Variants in SH3YL1 observed in about 807,000 individuals in gnomAD.
SH3YL1 encodes SH3 domain-containing YSC84-like protein 1.
A neutral mutation model predicts 45.8 loss-of-function variants in SH3YL1; 41 were observed. That is an observed-to-expected ratio of 0.89 (90% CI 0.70 to 1.16). The LOEUF is 1.16. Among genes scored for constraint, SH3YL1 ranks in the 50% most tolerant of loss-of-function variants. The pLI is 0.00. For missense variants in SH3YL1, 389 were observed against 409.6 expected, an observed-to-expected ratio of 0.95 and a Z score of 0.43; for synonymous variants, 152 against 151.4, an observed-to-expected ratio of 1.00 and a Z score of -0.03.
At chr2:230,994 A>G in intron 7 of SH3YL1, 29 bp downstream of exon 7, 1 of 1,608,892 alleles carries the variant, frequency 6.2e-7, no homozygotes. Context: ...TTCTGAGAAT[A>G]CTGAGTGAAA....
intron 4 of SH3YL1, chr2:244,596 A>C (rs1293032927): frequency 6.6e-6 from 1 of 152,082 alleles, no homozygotes; most frequent in African/African-American, 2.4e-5. Flanking sequence ...CAGATAGTTA[A>C]ATTATTCAAC....
At chr2:233,339 T>C in intron 5 of SH3YL1, 110 bp from the exon 6 acceptor site, 5 of 1,166,390 alleles carry the variant, frequency 4.3e-6, no homozygotes, top group Non-Finnish European at 5.6e-6. Context: ...TTCTGTACCT[T>C]CTTCAGCTGT....
At chr2:252,219 A>AT (rs749240490) in intron 2 of SH3YL1, among the ~76,000 whole-genome samples, 1 of 152,228 alleles carries the variant, frequency 6.6e-6, no homozygotes, top group Non-Finnish European at 1.5e-5. Flanking sequence ...GGGGATACTG[A>AT]TGCACATCTG....
At chr2:219,540 T>C (rs560367216) in intron 9 of SH3YL1, among the ~76,000 whole-genome samples, 39 of 152,272 alleles carry the variant, frequency 2.6e-4, no homozygotes, top group African/African-American at 9.4e-4. Flanking sequence ...TCCTGGAACC[T>C]TGATCTTGGA....
chr2:218,705 G>T lies in SH3YL1; in HGVS notation c.*106C>A. 1.0e-6 allele frequency: 1 copy of T among 981,738 alleles called. No homozygotes were observed. The highest frequency in any genetic ancestry group is 1.4e-6 in the Non-Finnish European group (1 of 690,176). The allele number at this position is 981,738 out of a possible 1,614,324, so 60.8% of individuals were successfully genotyped here. A position where few individuals can be genotyped will look rare whatever the true frequency, so the allele number is the denominator to read the frequency against. Reference sequence around the variant, plus strand: ...TTACATACGGAATGGAAATTTTGTAGAACAGAAGTTTTTTAAAATTTATAT... The same window carrying T: ...TTACATACGGAATGGAAATTTTGTATAACAGAAGTTTTTTAAAATTTATAT... On this transcript the variant is annotated 3_prime_UTR_variant, in exon 10 of 10. Coordinates refer to ENST00000356150, the MANE Select transcript of SH3YL1 (RefSeq NM_015677.4).
At chr2:225,857 C>T (rs1483932682) in intron 8 of SH3YL1, among the ~76,000 whole-genome samples, 1 of 152,124 alleles carries the variant, frequency 6.6e-6, no homozygotes, top group Non-Finnish European at 1.5e-5. Flanking sequence ...ATTACAAAGT[C>T]TTATTGAAAG....
chr2:245,135 G>A (rs1366844808), intron 4 of SH3YL1, among the ~76,000 whole-genome samples: 1 of 152,146 alleles, frequency 6.6e-6, no homozygotes, highest in Non-Finnish European at 1.5e-5. Flanking sequence ...AGCAAACAGT[G>A]CTTTCTGTTA....
Position 256,897 on chromosome 2 carries a change from C to T in SH3YL1, c.2-3782G>A, listed in dbSNP as rs141696844. Among the ~76,000 whole-genome samples the T allele has an allele frequency of 4.2e-3, 636 of 152,158 alleles. 2 individuals carry two copies. The highest frequency in any genetic ancestry group is 0.014 in the African/African-American group (600 of 41,524). On this transcript the variant is annotated intron_variant, in intron 1 of 9. Transcript: ENST00000356150. ...TATCCTCACCAACACTTGCAATGTC[C>T]AGTTTTTAAAATTTTAGTTATTTTA...
At chr2:223,365 C>A (rs1022779441) in intron 9 of SH3YL1, among the ~76,000 whole-genome samples, 7 of 152,182 alleles carry the variant, frequency 4.6e-5, no homozygotes, top group Non-Finnish European at 8.8e-5. Flanking sequence ...GTGGCCTCAG[C>A]TCTTTTTCAG....
intron 2 of SH3YL1, among the ~76,000 whole-genome samples, chr2:251,916 A>G (rs1258370753): frequency 6.6e-6 from 1 of 152,232 alleles, no homozygotes; most frequent in African/African-American, 2.4e-5. Context: ...TCTTTAATGC[A>G]GGACCCAGAG....
intron 1 of SH3YL1, among the ~76,000 whole-genome samples, chr2:254,182 T>C (rs1669206410): frequency 6.6e-6 from 1 of 152,246 alleles, no homozygotes. Flanking sequence ...GTAGACTTTC[T>C]GATGAGTAAA....
intron 2 of SH3YL1, among the ~76,000 whole-genome samples, chr2:250,608 T>A (rs1328618214): frequency 1.3e-5 from 2 of 152,236 alleles, no homozygotes; most frequent in Non-Finnish European, 2.9e-5. Context: ...GCCTAACATA[T>A]AACTTTAAGG....
At chr2:244,199 T>C (rs1170305789) in intron 4 of SH3YL1, among the ~76,000 whole-genome samples, 1 of 134,576 alleles carries the variant, frequency 7.4e-6, no homozygotes, top group African/African-American at 2.6e-5. Flanking sequence ...GTACAAGTTT[T>C]GTAAAAAAAA....
In SH3YL1 at chr2:219,140, T is replaced by C. The variant is rs73911025; in HGVS notation, c.839-139A>G. On this transcript the variant is annotated intron_variant, in intron 9 of 9. Coordinates refer to ENST00000356150, the MANE Select transcript of SH3YL1 (RefSeq NM_015677.4). ...CTGGCAGAAACCACAACAGTCTGTGTAATTTTCATCACATTATTAAACTTA... is the reference window on the plus strand; with the variant it reads ...CTGGCAGAAACCACAACAGTCTGTGCAATTTTCATCACATTATTAAACTTA... The C allele has an allele frequency of 1.9e-3, 1,074 of 571,356 alleles. 10 individuals carry two copies. The highest frequency in any genetic ancestry group is 0.019 in the African/African-American group (986 of 52,996). 35.4% of individuals were successfully genotyped at this position (571,356 alleles called of 1,614,324 possible). A position where few individuals can be genotyped will look rare whatever the true frequency, so the allele number is the denominator to read the frequency against.
Position 247,616 on chromosome 2 carries a change from A to C in SH3YL1, c.227-14T>G, listed in dbSNP as rs1441689549. The C allele has an allele frequency of 3.2e-6, 5 of 1,548,044 alleles. No individual in the cohort carries two copies. The highest frequency in any genetic ancestry group is 4.4e-6 in the Non-Finnish European group (5 of 1,145,476). ...GTGCAGACCATTCTAATAAAAAAAC[A>C]AACGAACGTTATCCTAACATTAAAA... On this transcript the variant is annotated splice_polypyrimidine_tract_variant and intron_variant, in intron 3 of 9. Coordinates refer to ENST00000356150, the MANE Select transcript of SH3YL1 (RefSeq NM_015677.4).
chr2:259,355 TATTA>T (rs1430496895), intron 1 of SH3YL1: 2 of 152,364 alleles, frequency 1.3e-5, no homozygotes, highest in East Asian at 3.9e-4. Flanking sequence ...CTCTGTTTCT[TATTA>T]ATTTATACAT....
At chr2:227,222 G>C (rs1307880197) in intron 8 of SH3YL1, among the ~76,000 whole-genome samples, 1 of 152,064 alleles carries the variant, frequency 6.6e-6, no homozygotes, top group Non-Finnish European at 1.5e-5. Flanking sequence ...TGGTTGATGA[G>C]ACTCTAAGTA....
upstream of SH3YL1, chr2:264,378 C>T: frequency 4.5e-6 from 1 of 223,886 alleles, no homozygotes; most frequent in East Asian, 9.3e-5. Context: ...ACTCGAACGA[C>T]AGGCACCACA....
chr2:253,761 T>G (rs573350372), intron 1 of SH3YL1, among the ~76,000 whole-genome samples: 86 of 152,350 alleles, frequency 5.6e-4, no homozygotes, highest in Middle Eastern at 6.8e-3. Context: ...GGACTTGCCC[T>G]GAGTTCTTTC....
Sources: allele counts gnomAD v4.1 joint callset (sites outside exome capture counted in the v4.1 genomes callset), GRCh38; gene constraint gnomAD v4.1.1; transcripts MANE v1.5; gene names NCBI Gene and HGNC (gene_info 2026-07-23, HGNC 2026-07-21).